The following MBD2 variants were observed in gnomAD, a reference collection of about 807,000 sequenced individuals.
The protein encoded by MBD2 is methyl-CpG-binding domain protein 2.
MBD2 carries 9 observed loss-of-function variants against 39.3 expected under a neutral mutation model. The ratio of observed to expected loss-of-function variants is 0.23; its 90% CI spans 0.14 to 0.40. The LOEUF is 0.40. Among genes scored for constraint, MBD2 ranks in the 10% least tolerant of loss-of-function variants. The probability of loss-of-function intolerance (pLI) is 1.00; values close to 1 mark genes in which losing one functional copy is unlikely to be tolerated. For missense variants in MBD2, 458 were observed against 532.6 expected (o/e 0.86, Z 1.38); for synonymous variants, 233 against 211.1 (o/e 1.10, Z -0.90).
At chr18:54,179,289 GT>G (rs1568082992) in intron 3 of MBD2, among the ~76,000 whole-genome samples, 3 of 152,188 alleles carry the variant, frequency 2.0e-5, no homozygotes, top group Admixed American at 2.0e-4. Context: ...AGAAAATTTT[GT>G]TTTTTAAAAA....
intron 1 of MBD2, among the ~76,000 whole-genome samples, chr18:54,213,636 C>A (rs2086529862): frequency 1.3e-5 from 2 of 152,158 alleles, no homozygotes; most frequent in Non-Finnish European, 2.9e-5. Flanking sequence ...GAATTGGGGA[C>A]TAGACACTGC....
At chr18:54,157,528 T>C (rs2086061810) in intron 6 of MBD2, among the ~76,000 whole-genome samples, 1 of 152,142 alleles carries the variant, frequency 6.6e-6, no homozygotes, top group African/African-American at 2.4e-5. Flanking sequence ...CCCAAAGTGC[T>C]GGGATTATAG....
chr18:54,216,568 A>G (rs950520949), intron 1 of MBD2, among the ~76,000 whole-genome samples: 9 of 152,254 alleles, frequency 5.9e-5, no homozygotes, highest in East Asian at 1.9e-4. Context: ...AGCAAATGTG[A>G]TAAGAGTTAA....
At position 54,168,163 on chromosome 18, in the gene MBD2, G is replaced by T. The variant is rs1408965266; in HGVS notation, c.841-1997C>A. Among the ~76,000 whole-genome samples, 3 of 151,250 alleles carry T rather than the reference G, an allele frequency of 2.0e-5. No individual in the cohort carries two copies. The East Asian group carries it at 5.8e-4, about 29-fold the overall frequency. On this transcript the variant is annotated intron_variant, in intron 3 of 6. Transcript: ENST00000256429. ...ATCAACACTACCACATAAAAGCATG[G>T]GAATTATGAACAGATACATTGTTTA...
chr18:54,179,996 A>C (rs1341768674), intron 3 of MBD2, among the ~76,000 whole-genome samples: 1 of 152,138 alleles, frequency 6.6e-6, no homozygotes. Flanking sequence ...TAAAGTCCAA[A>C]AGAATCATAG....
chr18:54,173,575 G>C (rs2086192439), intron 3 of MBD2, among the ~76,000 whole-genome samples: 1 of 152,196 alleles, frequency 6.6e-6, no homozygotes, highest in African/African-American at 2.4e-5. Flanking sequence ...TTAAAAGAAG[G>C]AGAACAACAG....
intron 3 of MBD2, among the ~76,000 whole-genome samples, chr18:54,172,504 CT>C (rs1235094862): frequency 2.0e-5 from 3 of 152,110 alleles, no homozygotes; most frequent in Non-Finnish European, 4.4e-5. Flanking sequence ...CTTAAGAATA[CT>C]GTTTCAGATT....
At chr18:54,190,421 G>C (rs372700150) in intron 2 of MBD2, among the ~76,000 whole-genome samples, 7 of 152,336 alleles carry the variant, frequency 4.6e-5, no homozygotes, top group African/African-American at 1.4e-4. Flanking sequence ...GTGAGCGTGA[G>C]TGCGACCTGT....
rs566831097 is a variant in MBD2 at position 54,159,616 on chromosome 18, G to A, written c.*12+149C>T. ...GTATTTTGGGTAGAGATGGGGTTTT[G>A]CCATGTTGCTCAAGCTGGTCTCGAA... On this transcript the variant is annotated intron_variant, in intron 6 of 6. Transcript: ENST00000256429. 3.5e-5 allele frequency: 26 copies of A among 735,038 alleles called. No individual in the cohort carries two copies. In the African/African-American group the frequency reaches 3.7e-4, roughly 10 times the overall value. The allele number at this position is 735,038 out of a possible 1,614,324, so 45.5% of individuals were successfully genotyped here.
intron 5 of MBD2, among the ~76,000 whole-genome samples, chr18:54,163,081 G>A (rs2086108111): frequency 6.6e-6 from 1 of 152,068 alleles, no homozygotes; most frequent in South Asian, 2.1e-4. Context: ...AGACCAGCCT[G>A]GCCAATATGG....
rs1466039629 is a variant in MBD2, at chr18:54,171,531, C to T, written c.841-5365G>A. 3.3e-5 allele frequency among the ~76,000 whole-genome samples: 5 copies of T among 151,932 alleles called. No homozygotes were observed. In the South Asian group the frequency reaches 8.3e-4, roughly 25 times the overall value. On this transcript the variant is annotated intron_variant, in intron 3 of 6. Coordinates refer to ENST00000256429, the MANE Select transcript of MBD2 (RefSeq NM_003927.5). ...GCAGACAACAAGAGGAAGACATTTG[C>T]CTTCCTATTATTTCATTGCAGGAGG...
intron 3 of MBD2, among the ~76,000 whole-genome samples, chr18:54,174,164 G>T: frequency 6.6e-6 from 1 of 152,216 alleles, no homozygotes; most frequent in East Asian, 1.9e-4. Context: ...ACACCCACAA[G>T]ATGTCAGTAG....
At chr18:54,215,753 C>A (rs2086553559) in intron 1 of MBD2, among the ~76,000 whole-genome samples, 1 of 151,810 alleles carries the variant, frequency 6.6e-6, no homozygotes, top group Non-Finnish European at 1.5e-5. Context: ...CTCGGCCTCC[C>A]AAAGTGCTGG....
At position 54,224,276 on chromosome 18, in the gene MBD2, C is replaced by T. The variant is rs1432660454; in HGVS notation, c.284G>A (p.Gly95Asp). Residue 95 changes from glycine (G) to aspartate (D), a missense_variant, in exon 1 of 7, where the codon GGC becomes GAC. This residue lies in a region of MBD2 where 269 missense variants were observed against 236.0 expected (regional missense o/e 1.14). Transcript: ENST00000256429. ...GCCGCTGCCGCCACTCGGGGGACGGCCGCGGCCCCGGCCCCGGCCCCGTCC... is the reference window on the plus strand; with the variant it reads ...GCCGCTGCCGCCACTCGGGGGACGGTCGCGGCCCCGGCCCCGGCCCCGTCC... ...GRGRGRGRGR[G>D]RPPSGGSGLG... 6 of 951,824 alleles carry T rather than the reference C, an allele frequency of 6.3e-6. No homozygotes were observed. The African/African-American group carries it at 9.0e-5, about 14-fold the overall frequency. The allele number at this position is 951,824 out of a possible 1,614,324, so 59.0% of individuals were successfully genotyped here.
At chr18:54,199,363 G>T (rs761766629) in intron 2 of MBD2, among the ~76,000 whole-genome samples, 1 of 152,036 alleles carries the variant, frequency 6.6e-6, no homozygotes, top group East Asian at 1.9e-4. Flanking sequence ...ACATTCTCTT[G>T]ATTCTCCTAT....
intron 1 of MBD2, among the ~76,000 whole-genome samples, chr18:54,212,370 T>C (rs1324202314): frequency 2.6e-5 from 4 of 152,192 alleles, no homozygotes; most frequent in South Asian, 2.1e-4. Flanking sequence ...CAAATAATCA[T>C]GAACTGCCTG....
intron 3 of MBD2, 40 bp downstream of exon 3, chr18:54,188,834 T>C: frequency 6.4e-7 from 1 of 1,553,718 alleles, no homozygotes; most frequent in South Asian, 1.3e-5. Context: ...TACCAGCATT[T>C]TTCTGAAAAA....
intron 2 of MBD2, among the ~76,000 whole-genome samples, chr18:54,195,827 T>C (rs986861627): frequency 6.6e-6 from 1 of 152,158 alleles, no homozygotes; most frequent in African/African-American, 2.4e-5. Flanking sequence ...TTATTGAACA[T>C]GCTATTAAAA....
At chr18:54,193,065 C>A (rs1274495231) in intron 2 of MBD2, among the ~76,000 whole-genome samples, 2 of 152,186 alleles carry the variant, frequency 1.3e-5, no homozygotes, top group African/African-American at 4.8e-5. Flanking sequence ...TGAAGCTGAG[C>A]AATCTGTAAA....
Sources: allele counts gnomAD v4.1 joint callset (sites outside exome capture counted in the v4.1 genomes callset), GRCh38; gene constraint gnomAD v4.1.1; regional missense constraint gnomAD v4.1.1; transcripts MANE v1.5; gene names NCBI Gene and HGNC (gene_info 2026-07-23, HGNC 2026-07-21).